SHISA6: variants seen among roughly 807,000 people sequenced by gnomAD.
The protein encoded by SHISA6 is protein shisa-6.
SHISA6 carries 22 observed loss-of-function variants against 47.9 expected under a neutral mutation model. The observed-to-expected ratio is 0.46, with a 90% CI of 0.33 to 0.66. The LOEUF is 0.66. Ranked by LOEUF, SHISA6 falls within the 30% of genes least tolerant of loss-of-function variation. The probability of loss-of-function intolerance (pLI) is 0.02; values close to 1 mark genes in which losing one functional copy is unlikely to be tolerated. For synonymous variants in SHISA6, 388 were observed against 337.8 expected, an observed-to-expected ratio of 1.15 and a Z score of -1.63; for missense variants, 680 against 764.6, an observed-to-expected ratio of 0.89 and a Z score of 1.30.
intron 3 of SHISA6, among the ~76,000 whole-genome samples, chr17:11,403,364 C>CA (rs1392908816): frequency 6.6e-6 from 1 of 152,100 alleles, no homozygotes; most frequent in Non-Finnish European, 1.5e-5. Context: ...CACTACACTG[C>CA]AAAAAAGTGC....
At chr17:11,456,369 C>A (rs570532870) in intron 3 of SHISA6, among the ~76,000 whole-genome samples, 1 of 152,314 alleles carries the variant, frequency 6.6e-6, no homozygotes. Context: ...CTTCCAGAGG[C>A]ACTCAGTGTG....
chr17:11,366,259 C>T (rs1912447202), intron 2 of SHISA6, among the ~76,000 whole-genome samples: 1 of 152,196 alleles, frequency 6.6e-6, no homozygotes, highest in South Asian at 2.1e-4. Context: ...GTGATCCTCC[C>T]ACCTAAGCCT....
At chr17:11,556,902 G>A (rs368656987) in intron 5 of SHISA6, among the ~76,000 whole-genome samples, 1 of 152,192 alleles carries the variant, frequency 6.6e-6, no homozygotes, top group Admixed American at 6.5e-5. Context: ...GTTCAAGTAG[G>A]TTTGTAGCAT....
intron 3 of SHISA6, among the ~76,000 whole-genome samples, chr17:11,525,261 A>G (rs1455593716): frequency 6.6e-6 from 1 of 152,198 alleles, no homozygotes; most frequent in Non-Finnish European, 1.5e-5. Context: ...CATGCCCACA[A>G]GAAGAACACA....
intron 2 of SHISA6, among the ~76,000 whole-genome samples, chr17:11,322,750 C>T (rs1166873678): frequency 6.6e-6 from 1 of 152,130 alleles, no homozygotes; most frequent in Non-Finnish European, 1.5e-5. Context: ...ATGTGAAATG[C>T]TGAATTTCTA....
At position 11,426,752 on chromosome 17, in the gene SHISA6, C is replaced by T. The variant is rs1376795419; in HGVS notation, c.895+47243C>T. ...ACAAATATTTGTTGGATGCGACTCTCACGGTGTTAAATAATTCTGGAAGTT... is the reference window on the plus strand; with the variant it reads ...ACAAATATTTGTTGGATGCGACTCTTACGGTGTTAAATAATTCTGGAAGTT... On this transcript the variant is annotated intron_variant, in intron 3 of 5. Transcript: ENST00000441885. Among the ~76,000 whole-genome samples, 3 of 152,308 alleles carry T rather than the reference C, an allele frequency of 2.0e-5. No individual in the cohort carries two copies. The East Asian group carries it at 5.8e-4, about 29-fold the overall frequency.
chr17:11,249,305 C>T (rs8066340), intron 1 of SHISA6, among the ~76,000 whole-genome samples: 3,956 of 150,314 alleles, frequency 0.026, 164 homozygotes, highest in African/African-American at 0.092. Context: ...TGTGCGCGTG[C>T]GTGTGTGTGG....
At chr17:11,359,547 C>G (rs1912193575) in intron 2 of SHISA6, among the ~76,000 whole-genome samples, 1 of 152,144 alleles carries the variant, frequency 6.6e-6, no homozygotes, top group South Asian at 2.1e-4. Context: ...TTTGGGAGTT[C>G]ACAGAACTCT....
chr17:11,379,302 G>A (rs1383058774), intron 2 of SHISA6, 112 bp from the exon 3 acceptor site: 1 of 573,496 alleles, frequency 1.7e-6, no homozygotes, highest in Non-Finnish European at 2.9e-6. Flanking sequence ...TTCTGACTTA[G>A]CTGCTGGTTT....
At chr17:11,524,779 G>A (rs921301537) in intron 3 of SHISA6, among the ~76,000 whole-genome samples, 3 of 152,276 alleles carry the variant, frequency 2.0e-5, no homozygotes, top group African/African-American at 7.2e-5. Context: ...GATTACAGGC[G>A]TGAGCCACTG....
At chr17:11,291,534 T>C (rs1909543601) in intron 2 of SHISA6, among the ~76,000 whole-genome samples, 1 of 152,024 alleles carries the variant, frequency 6.6e-6, no homozygotes, top group Admixed American at 6.5e-5. Context: ...CTCGGGAGGC[T>C]GAGGCAGGAG....
At chr17:11,363,404 C>T (rs747564837) in intron 2 of SHISA6, among the ~76,000 whole-genome samples, 9 of 152,100 alleles carry the variant, frequency 5.9e-5, no homozygotes, top group Non-Finnish European at 8.8e-5. Context: ...CTAGTCTTGC[C>T]CTTTATAAAC....
chr17:11,362,610 T>A (rs1176790456), intron 2 of SHISA6, among the ~76,000 whole-genome samples: 3 of 152,264 alleles, frequency 2.0e-5, no homozygotes, highest in Non-Finnish European at 4.4e-5. Flanking sequence ...GCTGCTTATA[T>A]TACTGGCGGT....
chr17:11,267,138 C>G (rs764143747), intron 2 of SHISA6, among the ~76,000 whole-genome samples: 1 of 152,170 alleles, frequency 6.6e-6, no homozygotes, highest in Non-Finnish European at 1.5e-5. Flanking sequence ...CCAACTCTTC[C>G]AGGAAGCAGC....
chr17:11,337,478 G>A (rs1213924615), intron 2 of SHISA6, among the ~76,000 whole-genome samples: 1 of 152,200 alleles, frequency 6.6e-6, no homozygotes, highest in Non-Finnish European at 1.5e-5. Flanking sequence ...CACTTGATGT[G>A]GGAGGCTGGC....
At chr17:11,324,276 A>G (rs1324392719) in intron 2 of SHISA6, among the ~76,000 whole-genome samples, 1 of 152,178 alleles carries the variant, frequency 6.6e-6, no homozygotes, top group Non-Finnish European at 1.5e-5. Context: ...TTTCCTGTCG[A>G]TGACACTCTT....
intron 1 of SHISA6, among the ~76,000 whole-genome samples, chr17:11,253,110 G>C (rs188008866): frequency 1.3e-5 from 2 of 152,114 alleles, no homozygotes; most frequent in East Asian, 3.8e-4. Context: ...ATGTTTCTTC[G>C]TGTCACTTTC....
intron 3 of SHISA6, among the ~76,000 whole-genome samples, chr17:11,427,802 T>A (rs1004232552): frequency 1.3e-4 from 19 of 151,632 alleles, no homozygotes; most frequent in African/African-American, 3.9e-4. Flanking sequence ...AAAAAAAAAA[T>A]TTCACATGCA....
At position 11,306,618 on chromosome 17, in the gene SHISA6, ACTTG is replaced by A. The variant is rs1910118620; in HGVS notation, c.799+43096_799+43099del. On this transcript the variant is annotated intron_variant, in intron 2 of 5. Transcript: ENST00000441885. The stretch of plus-strand genomic sequence containing the variant: ...CCCTTTGGAGTCTGAAAACTTCGTT[ACTTG>A]CTTATTTTTTGGATGTGATAAGGGC... Among the ~76,000 whole-genome samples, 3 of 152,174 alleles carry A rather than the reference ACTTG, an allele frequency of 2.0e-5. No homozygotes were observed. The South Asian group carries it at 6.2e-4, about 32-fold the overall frequency.
Sources: allele counts gnomAD v4.1 joint callset (sites outside exome capture counted in the v4.1 genomes callset), GRCh38; gene constraint gnomAD v4.1.1; transcripts MANE v1.5; gene names NCBI Gene and HGNC (gene_info 2026-07-23, HGNC 2026-07-21).